Variants in UMODL1 observed in about 807,000 individuals in gnomAD.
UMODL1 encodes uromodulin like 1.
UMODL1 carries 128 observed loss-of-function variants against 136.3 expected under a neutral mutation model. That is an observed-to-expected ratio of 0.94 (90% CI 0.81 to 1.09). The LOEUF (loss-of-function observed/expected upper bound fraction) is 1.09, where lower values mean the gene tolerates loss of function less well. Ranked by LOEUF, UMODL1 falls within the 50% of genes least tolerant of loss-of-function variation. UMODL1 has a pLI of 0.00. For synonymous variants in UMODL1, 721 were observed against 720.0 expected, an observed-to-expected ratio of 1.00 and a Z score of -0.02; for missense variants, 1,766 against 1,725.6, an observed-to-expected ratio of 1.02 and a Z score of -0.41.
At chr21:42,129,659 C>T in intron 20 of UMODL1, 54 bp from the exon 21 acceptor site, 1 of 1,480,760 alleles carries the variant, frequency 6.8e-7, no homozygotes, top group Non-Finnish European at 9.1e-7. Flanking sequence ...GCTCCTTTCT[C>T]ATAAATGTTG....
At chr21:42,107,623 C>A (rs1050437484) in intron 9 of UMODL1, among the ~76,000 whole-genome samples, 2 of 152,210 alleles carry the variant, frequency 1.3e-5, no homozygotes, top group Non-Finnish European at 2.9e-5. Context: ...GCTCTGTGCC[C>A]TCTTTCTCCC....
Position 42,122,613 on chromosome 21 carries a change from G to A in UMODL1, c.2828-218G>A, listed in dbSNP as rs533901800. Among the ~76,000 whole-genome samples, 19 of 147,222 alleles carry A rather than the reference G, an allele frequency of 1.3e-4. No individual in the cohort carries two copies. The highest frequency in any genetic ancestry group is 1.0e-3 in the South Asian group (5 of 4,786). ...TGTGTGCATGTGTGTGCATCTCTGC[G>A]TGCATGTGTGTGCATGCACGTGTGT... On this transcript the variant is annotated intron_variant, in intron 16 of 22. Coordinates refer to ENST00000408910, the MANE Select transcript of UMODL1 (RefSeq NM_001004416.3). This position sits in a 1 kb window ranked among gnomAD's most constrained non-coding sequence, Gnocchi z 4.3.
intron 1 of UMODL1, among the ~76,000 whole-genome samples, chr21:42,065,983 C>T (rs2066180049): frequency 1.3e-5 from 2 of 152,332 alleles, no homozygotes; most frequent in South Asian, 4.1e-4. Context: ...TGCATTCGCT[C>T]TTTTACATGA....
intron 12 of UMODL1, 94 bp from the exon 13 acceptor site, chr21:42,113,479 A>G (rs974844369): frequency 1.2e-5 from 18 of 1,476,162 alleles, no homozygotes; most frequent in African/African-American, 2.8e-5. Flanking sequence ...TCATGTCCCC[A>G]TGGTGATGAA....
chr21:42,134,953 A>G (rs1014336451), intron 21 of UMODL1, among the ~76,000 whole-genome samples: 4 of 152,116 alleles, frequency 2.6e-5, no homozygotes, highest in African/African-American at 9.7e-5. Flanking sequence ...GTTCTGGGAT[A>G]CATGTGCAGA....
Position 42,109,698 on chromosome 21 carries a change from G to A in UMODL1, c.1656G>A (p.Glu552=), listed in dbSNP as rs750810786. 3.7e-6 allele frequency: 6 copies of A among 1,601,638 alleles called. No homozygotes were observed. In the African/African-American group the frequency reaches 5.4e-5, roughly 14 times the overall value. The part of the protein sequence containing the change: ...ATPSRAGRAC[E]GDLVSPMGGG... ...CCTCCCGCGCAGGCCGGGCCTGTGA[G>A]GGTACGTGTCGACCCCCCTGCCGAC... The change falls in exon 10 of 23, where the codon GAG becomes GAA. Residue 552 remains glutamate (E), a splice_region_variant and synonymous_variant. Coordinates refer to ENST00000408910, the MANE Select transcript of UMODL1 (RefSeq NM_001004416.3).
At chr21:42,121,048 A>G in intron 15 of UMODL1, 39 bp from the exon 16 acceptor site, 1 of 1,589,004 alleles carries the variant, frequency 6.3e-7, no homozygotes, top group Non-Finnish European at 8.6e-7. Context: ...ACAAGCCCCC[A>G]GGGATGTTCT....
At chr21:42,094,416 G>A (rs1189184582) in intron 6 of UMODL1, among the ~76,000 whole-genome samples, 3 of 152,214 alleles carry the variant, frequency 2.0e-5, no homozygotes, top group Non-Finnish European at 1.5e-5. Flanking sequence ...CCAGATAGAG[G>A]CAAAGTTCTG....
At chr21:42,093,681 G>A (rs1440380551) in intron 6 of UMODL1, among the ~76,000 whole-genome samples, 4 of 152,126 alleles carry the variant, frequency 2.6e-5, no homozygotes, top group Non-Finnish European at 2.9e-5. Flanking sequence ...TGGGGAGAGC[G>A]GACTTGCCCT....
intron 16 of UMODL1, among the ~76,000 whole-genome samples, chr21:42,121,884 T>C (rs763734743): frequency 1.3e-5 from 2 of 152,158 alleles, no homozygotes; most frequent in African/African-American, 2.4e-5. Context: ...ATAGCTAAGA[T>C]GGCACCCAGC....
intron 6 of UMODL1, chr21:42,093,799 G>T (rs186050343): frequency 4.5e-6 from 2 of 446,496 alleles, no homozygotes; most frequent in African/African-American, 4.0e-5. Flanking sequence ...TCATCCCCGG[G>T]GTCTCCAGGT....
intron 6 of UMODL1, among the ~76,000 whole-genome samples, chr21:42,097,596 A>C (rs2066573839): frequency 6.6e-6 from 1 of 152,248 alleles, no homozygotes; most frequent in South Asian, 2.1e-4. Context: ...ACTAGAAAGC[A>C]TATATCCTAC....
chr21:42,096,825 C>T (rs1249680288), intron 6 of UMODL1, among the ~76,000 whole-genome samples: 1 of 152,220 alleles, frequency 6.6e-6, no homozygotes, highest in Non-Finnish European at 1.5e-5. Flanking sequence ...ATGCTTGGGG[C>T]TGTGTCCTGA....
rs1484298822 is a variant in UMODL1 at position 42,127,702 on chromosome 21, G to C, written c.3561G>C (p.Val1187=). ...CTGTGCCCAACACATACACCAACGTGATTGAGAACGGCAACTCCAATAAGG... is the reference window on the plus strand; with the variant it reads ...CTGTGCCCAACACATACACCAACGTCATTGAGAACGGCAACTCCAATAAGG... ...SCPVPNTYTN[V]IENGNSNKAQ... is the part of the protein sequence containing the mutation. Residue 1187 remains valine, a synonymous_variant, in exon 20 of 23, where the codon GTG becomes GTC. Transcript: ENST00000408910. The C allele has an allele frequency of 6.2e-7, 1 of 1,614,106 alleles. No individual in the cohort carries two copies. The highest frequency in any genetic ancestry group is 1.7e-5 in the Admixed American group (1 of 60,008).
In UMODL1 at chr21:42,084,257, C is replaced by T. The variant is rs771406830; in HGVS notation, c.481+12C>T. 30 of 1,611,244 alleles carry T rather than the reference C, an allele frequency of 1.9e-5. No homozygotes were observed. The highest frequency in any genetic ancestry group is 1.3e-4 in the East Asian group (6 of 44,784). On this transcript the variant is annotated intron_variant, in intron 3 of 22. Coordinates refer to ENST00000408910, the MANE Select transcript of UMODL1 (RefSeq NM_001004416.3). ...CCCTGCACCCCAAGGTAGGCTGCTG[C>T]GGGCCATGCTTATGGACAGGCAGCA...
chr21:42,130,221 CG>C (rs1404987349), intron 21 of UMODL1, among the ~76,000 whole-genome samples: 1 of 150,464 alleles, frequency 6.6e-6, no homozygotes, highest in Non-Finnish European at 1.5e-5. Flanking sequence ...GCCATGTCAA[CG>C]TGTGTGTGTG....
chr21:42,111,410 G>A (rs376191176), intron 11 of UMODL1, 96 bp from the exon 12 acceptor site: 33 of 1,613,388 alleles, frequency 2.0e-5, no homozygotes, highest in African/African-American at 2.7e-5. Context: ...GAACACTATC[G>A]GGGTGATAGG....
At chr21:42,107,925 T>C (rs1406777054) in intron 9 of UMODL1, among the ~76,000 whole-genome samples, 1 of 152,196 alleles carries the variant, frequency 6.6e-6, no homozygotes, top group African/African-American at 2.4e-5. Context: ...GTGGGAGCAG[T>C]GTGCAGCGTC....
At chr21:42,130,878 C>A (rs2067125856) in intron 21 of UMODL1, among the ~76,000 whole-genome samples, 1 of 151,068 alleles carries the variant, frequency 6.6e-6, no homozygotes, top group Admixed American at 6.6e-5. Context: ...GGTGCGATCT[C>A]AGCTCACTGC....
Sources: gnomAD v4.1 joint callset for allele counts (sites outside exome capture counted in the v4.1 genomes callset) on GRCh38, gnomAD v4.1.1 for gene constraint, Gnocchi (gnomAD v3.1) non-coding constraint, MANE v1.5 for transcripts, NCBI Gene and HGNC (gene_info 2026-07-23, HGNC 2026-07-21) for gene names.